Variants in SEZ6L observed in about 807,000 individuals in gnomAD.
SEZ6L encodes the protein seizure related 6 homolog like.
Under a neutral mutation model 106.2 loss-of-function variants are expected in SEZ6L, and 37 were observed. That is an observed-to-expected ratio of 0.35 (90% CI 0.27 to 0.46). SEZ6L has a LOEUF of 0.46. Among genes scored for constraint, SEZ6L ranks in the 20% least tolerant of loss-of-function variants. The probability of loss-of-function intolerance (pLI) is 1.00; values close to 1 mark genes in which losing one functional copy is unlikely to be tolerated. For synonymous variants in SEZ6L, 541 were observed against 570.4 expected (o/e 0.95, Z 0.73); for missense variants, 1,172 against 1,332.8 (o/e 0.88, Z 1.88).
intron 1 of SEZ6L, among the ~76,000 whole-genome samples, chr22:26,260,280 C>T (rs962876309): frequency 2.6e-5 from 4 of 152,034 alleles, no homozygotes; most frequent in African/African-American, 7.3e-5. Flanking sequence ...TCTTTTATCC[C>T]TCACCCCCTC....
At chr22:26,357,451 A>C (rs1459702533) in intron 12 of SEZ6L, among the ~76,000 whole-genome samples, 1 of 152,038 alleles carries the variant, frequency 6.6e-6, no homozygotes, top group African/African-American at 2.4e-5. Context: ...ATCACAATGA[A>C]TCGTCAGCAC....
In SEZ6L at chr22:26,381,754, T is replaced by C. The variant is rs188874701; in HGVS notation, c.*1459T>C. 52 of 266,890 alleles carry C rather than the reference T, an allele frequency of 1.9e-4. No individual in the cohort carries two copies. Among genetic ancestry groups the C allele is most frequent in the African/African-American group, 1.1e-3 (48 of 45,148 alleles). 16.5% of individuals were successfully genotyped at this position (266,890 alleles called of 1,614,324 possible). ...GTGCGGGTGCATGGAAGAAATACTA[T>C]GTGTGAAGCAGATTCACCTTCCTGG... On this transcript the variant is annotated 3_prime_UTR_variant, in exon 17 of 17. Transcript: ENST00000248933.
intron 1 of SEZ6L, among the ~76,000 whole-genome samples, chr22:26,261,350 GT>G (rs1384739418): frequency 4.6e-5 from 7 of 152,190 alleles, no homozygotes; most frequent in African/African-American, 1.7e-4. Context: ...TCTTCTAGAA[GT>G]TTTATAGTTT....
intron 1 of SEZ6L, among the ~76,000 whole-genome samples, chr22:26,202,786 T>C (rs1248734524): frequency 6.6e-6 from 1 of 152,198 alleles, no homozygotes; most frequent in East Asian, 1.9e-4. Flanking sequence ...CTGGATGATT[T>C]AGAGTATTCT....
chr22:26,313,400 T>C (rs1478909616), intron 8 of SEZ6L, among the ~76,000 whole-genome samples: 1 of 152,016 alleles, frequency 6.6e-6, no homozygotes, highest in East Asian at 1.9e-4. Context: ...CTAACTTGAG[T>C]GGGCGGTCTC....
rs146371928 is a variant in SEZ6L, at chr22:26,215,247, T to C, written c.94+45484T>C. 2.4e-3 allele frequency among the ~76,000 whole-genome samples: 362 copies of C among 152,350 alleles called. 2 individuals are homozygous for C. In the Middle Eastern group the frequency reaches 0.027, roughly 11 times the overall value. On this transcript the variant is annotated intron_variant, in intron 1 of 16. Transcript: ENST00000248933. ...TACTTCTTTTTTAAAAAATTTTAGG[T>C]TCACTAGGTATATGGGCTTGTTACA...
At chr22:26,245,362 C>T (rs570321870) in intron 1 of SEZ6L, among the ~76,000 whole-genome samples, 15 of 152,236 alleles carry the variant, frequency 9.9e-5, no homozygotes, top group South Asian at 2.1e-4. Flanking sequence ...CAAAGATGTT[C>T]GGCTGGAACA....
At chr22:26,202,949 A>G (rs1001514348) in intron 1 of SEZ6L, among the ~76,000 whole-genome samples, 4 of 152,242 alleles carry the variant, frequency 2.6e-5, no homozygotes, top group African/African-American at 9.6e-5. Flanking sequence ...CAAATTTGTA[A>G]CAAAGTTTCC....
intron 1 of SEZ6L, among the ~76,000 whole-genome samples, chr22:26,206,616 C>T (rs764049685): frequency 9.2e-5 from 14 of 152,132 alleles, no homozygotes; most frequent in Non-Finnish European, 1.3e-4. Flanking sequence ...ATAACATGAG[C>T]GACCTAAAAA....
At chr22:26,251,045 C>T (rs1173401923) in intron 1 of SEZ6L, among the ~76,000 whole-genome samples, 5 of 152,106 alleles carry the variant, frequency 3.3e-5, no homozygotes, top group African/African-American at 1.2e-4. Context: ...ATTTGTTGAT[C>T]AGTTCTAAGA....
At chr22:26,243,320 A>G (rs1474201580) in intron 1 of SEZ6L, among the ~76,000 whole-genome samples, 1 of 152,232 alleles carries the variant, frequency 6.6e-6, no homozygotes, top group African/African-American at 2.4e-5. Flanking sequence ...AGAGGGTGCC[A>G]TGGAGAAAGT....
At chr22:26,173,539 G>A (rs187420257) in intron 1 of SEZ6L, among the ~76,000 whole-genome samples, 66 of 152,310 alleles carry the variant, frequency 4.3e-4, no homozygotes, top group African/African-American at 1.5e-3. Flanking sequence ...GCAGGTTAAT[G>A]GTTGGGAAGA....
Position 26,294,297 on chromosome 22 carries a change from T to G in SEZ6L, c.841T>G (p.Cys281Gly). ...ATTAAAGTCCTTCCTTCCAGCTCTCTGCAGTGTGAGCTTCTCCAATCCTGA... is the reference window on the plus strand; with the variant it reads ...ATTAAAGTCCTTCCTTCCAGCTCTCGGCAGTGTGAGCTTCTCCAATCCTGA... ...VITTEQAPAL[C>G]SVSFSNPEGY... is the part of the protein sequence containing the mutation. The change falls in exon 3 of 17, where the codon TGC (cysteine) becomes GGC (glycine). Residue 281 changes from cysteine (C) to glycine (G), a missense_variant. By Grantham distance (159) the Cys-to-Gly change is radical. Transcript: ENST00000248933. The G allele has an allele frequency of 6.2e-7, 1 of 1,614,126 alleles. No homozygotes were observed. Among genetic ancestry groups the G allele is most frequent in the East Asian group, 2.2e-5 (1 of 44,880 alleles).
intron 13 of SEZ6L, among the ~76,000 whole-genome samples, chr22:26,371,248 C>T (rs1219505222): frequency 6.6e-6 from 1 of 152,120 alleles, no homozygotes; most frequent in East Asian, 1.9e-4. Context: ...TGGCACTTTT[C>T]ATCCTGCAGG....
At chr22:26,265,476 G>A (rs893444967) in intron 1 of SEZ6L, among the ~76,000 whole-genome samples, 2 of 152,178 alleles carry the variant, frequency 1.3e-5, no homozygotes. Flanking sequence ...ATTCTGGTCT[G>A]TGTTTTAATT....
chr22:26,360,246 G>T (rs923912195), intron 12 of SEZ6L, among the ~76,000 whole-genome samples: 1 of 152,168 alleles, frequency 6.6e-6, no homozygotes, highest in Non-Finnish European at 1.5e-5. Flanking sequence ...TAGCCTGGGG[G>T]TCCTGCTCCT....
At chr22:26,377,648 CTT>C (rs1568961303) in intron 15 of SEZ6L, 23 bp from the exon 16 acceptor site, 1 of 1,560,324 alleles carries the variant, frequency 6.4e-7, no homozygotes. Flanking sequence ...GGAGAAGTAA[CTT>C]CTCTCTCCTT....
At chr22:26,262,486 T>C (rs528074365) in intron 1 of SEZ6L, among the ~76,000 whole-genome samples, 1 of 152,354 alleles carries the variant, frequency 6.6e-6, no homozygotes, top group South Asian at 2.1e-4. Flanking sequence ...AAGTATTTAG[T>C]ACATAGCCTT....
chr22:26,278,790 AAGGG>A (rs1257705841), intron 1 of SEZ6L, among the ~76,000 whole-genome samples: 8 of 150,784 alleles, frequency 5.3e-5, no homozygotes, highest in Non-Finnish European at 3.0e-5. Flanking sequence ...GGAAGGAAGG[AAGGG>A]AGGGAGGAAG....
Sources: allele counts gnomAD v4.1 joint callset (sites outside exome capture counted in the v4.1 genomes callset), GRCh38; gene constraint gnomAD v4.1.1; transcripts MANE v1.5; gene names NCBI Gene and HGNC (gene_info 2026-07-23, HGNC 2026-07-21).